The following PHPT1 variants were observed in gnomAD, a reference collection of about 807,000 sequenced individuals.
PHPT1 encodes 14 kDa phosphohistidine phosphatase.
In PHPT1, 16 loss-of-function variants were observed where a neutral mutation model predicts 15.6. That is an observed-to-expected ratio of 1.03 (90% CI 0.70 to 1.56). The LOEUF is 1.56. Among genes scored for constraint, PHPT1 ranks in the 40% most tolerant of loss-of-function variants. The pLI is 0.00. For synonymous variants in PHPT1, 102 were observed against 68.1 expected (o/e 1.50, Z -2.45); for missense variants, 228 against 171.0 (o/e 1.33, Z -1.86).
Position 136,849,608 on chromosome 9 carries a change from G to T in PHPT1, c.160+18G>T. 1 of 1,527,578 alleles carries T rather than the reference G, an allele frequency of 6.5e-7. No homozygotes were observed. The highest frequency in any genetic ancestry group is 8.8e-7 in the Non-Finnish European group (1 of 1,138,726). 94.6% of individuals were successfully genotyped at this position (1,527,578 alleles called of 1,614,324 possible). ...GTACCATGGTGAGGGCGGGACCTGC[G>T]GGCATGCCAGGGGCACGCCTGGCGA... On this transcript the variant is annotated intron_variant, in intron 1 of 2. Coordinates refer to ENST00000247665, the MANE Select transcript of PHPT1 (RefSeq NM_014172.6).
At chr9:136,850,681 G>A in intron 2 of PHPT1, 74 bp from the exon 3 acceptor site, 1 of 1,492,520 alleles carries the variant, frequency 6.7e-7, no homozygotes, top group Admixed American at 1.7e-5. Flanking sequence ...GGTGTGGCTG[G>A]TGGCTGGATG....
chr9:136,850,442 G>A (rs565434969), intron 2 of PHPT1: 59 of 1,446,266 alleles, frequency 4.1e-5, no homozygotes, highest in African/African-American at 3.9e-4. Context: ...GGCCCCCAGA[G>A]GCAGTCAGTA....
chr9:136,849,619 G>C (rs1848852233), intron 1 of PHPT1, 29 bp downstream of exon 1: 1 of 1,507,706 alleles, frequency 6.6e-7, no homozygotes, highest in African/African-American at 1.4e-5. Flanking sequence ...GGCATGCCAG[G>C]GGCACGCCTG....
At chr9:136,850,355 A>G (rs872463) in intron 2 of PHPT1, 622,267 of 829,858 alleles carry the variant, frequency 0.75, 235,158 homozygotes, top group East Asian at 0.88. Flanking sequence ...ACACCCCCAG[A>G]CATGGCCGGC....
chr9:136,849,733 G>A (rs1453696770), intron 1 of PHPT1, 143 bp downstream of exon 1: 2 of 843,738 alleles, frequency 2.4e-6, no homozygotes, highest in East Asian at 6.2e-5. Flanking sequence ...ACTGCGCTCT[G>A]CTCCGAGTCC....
chr9:136,850,966 G>C lies in PHPT1; in HGVS notation c.*119G>C. 1.2e-6 allele frequency: 1 copy of C among 810,382 alleles called. No homozygotes were observed. Among genetic ancestry groups the C allele is most frequent in the African/African-American group, 1.7e-5 (1 of 59,848 alleles). The allele number at this position is 810,382 out of a possible 1,614,324, so 50.2% of individuals were successfully genotyped here. On this transcript the variant is annotated 3_prime_UTR_variant, in exon 3 of 3. Transcript: ENST00000247665. ...CTGCGGCAGCCTCTGGTGACGTGCTGTCCACCAGGCCTTGGAGACAGGCTA... is the reference window on the plus strand; with the variant it reads ...CTGCGGCAGCCTCTGGTGACGTGCTCTCCACCAGGCCTTGGAGACAGGCTA...
At chr9:136,849,618 G>C in intron 1 of PHPT1, 28 bp downstream of exon 1, 2 of 1,510,920 alleles carry the variant, frequency 1.3e-6, no homozygotes, top group Non-Finnish European at 1.8e-6. Context: ...GGGCATGCCA[G>C]GGGCACGCCT....
intron 1 of PHPT1, 91 bp from the exon 2 acceptor site, chr9:136,849,922 A>C (rs1848863263): frequency 1.5e-6 from 2 of 1,335,094 alleles, no homozygotes; most frequent in African/African-American, 1.4e-5. Context: ...GGCTGTTCAG[A>C]GCTGGGATTT....
intron 2 of PHPT1, 89 bp downstream of exon 2, chr9:136,850,226 G>A (rs750294704): frequency 3.2e-6 from 5 of 1,557,844 alleles, no homozygotes; most frequent in Admixed American, 3.5e-5. Flanking sequence ...CGTGGCCCCA[G>A]CTGAGCACGC....
rs202021757 is a variant in PHPT1, at chr9:136,849,444, A to G, written c.14A>G (p.Asp5Gly). MAVA[D>G]LALIPDVDID... Reference sequence around the variant, plus strand: ...GGGAGGAGGAACATGGCGGTGGCGGACCTCGCTCTCATTCCTGATGTGGAC... The same window carrying G: ...GGGAGGAGGAACATGGCGGTGGCGGGCCTCGCTCTCATTCCTGATGTGGAC... The change falls in exon 1 of 3, where the codon GAC (aspartate) becomes GGC (glycine). Residue 5 changes from aspartate (D) to glycine (G), a missense_variant. Asp to Gly is a moderately conservative substitution (Grantham distance 94). Transcript: ENST00000247665. The G allele has an allele frequency of 6.2e-7, 1 of 1,604,498 alleles. No individual in the cohort carries two copies. The highest frequency in any genetic ancestry group is 8.5e-7 in the Non-Finnish European group (1 of 1,175,362).
intron 2 of PHPT1, 97 bp downstream of exon 2, chr9:136,850,234 C>G: frequency 6.6e-7 from 1 of 1,521,490 alleles, no homozygotes; most frequent in Non-Finnish European, 9.0e-7. Flanking sequence ...CAGCTGAGCA[C>G]GCAGGCTTCC....
chr9:136,850,555 A>G, intron 2 of PHPT1, 200 bp from the exon 3 acceptor site: 8 of 1,611,678 alleles, frequency 5.0e-6, no homozygotes, highest in Non-Finnish European at 6.8e-6. Context: ...AGGATCCACC[A>G]TCAAGGTTTG....
chr9:136,850,210 C>G (rs760129581), intron 2 of PHPT1, 73 bp downstream of exon 2: 2 of 1,595,476 alleles, frequency 1.3e-6, no homozygotes, highest in Non-Finnish European at 1.7e-6. Flanking sequence ...GCCTGCTGCC[C>G]TGACCCGTGG....
chr9:136,849,830 C>A (rs142721573), intron 1 of PHPT1, 183 bp from the exon 2 acceptor site: 17 of 744,344 alleles, frequency 2.3e-5, no homozygotes, highest in Non-Finnish European at 3.7e-5. Flanking sequence ...TCTCCCAGTT[C>A]CCGCGCCCTC....
chr9:136,849,419 G>A lies in PHPT1; in HGVS notation c.-12G>A, dbSNP rs1848842528. The A allele has an allele frequency of 1.3e-6, 2 of 1,588,520 alleles. No homozygotes were observed. Among genetic ancestry groups the A allele is most frequent in the African/African-American group, 1.4e-5 (1 of 73,668 alleles). On this transcript the variant is annotated 5_prime_UTR_variant, in exon 1 of 3. Transcript: ENST00000247665. ...GGGTCGGGTGGGAGGAGGGGACTCC[G>A]GGAGGAGGAACATGGCGGTGGCGGA...
intron 2 of PHPT1, 64 bp downstream of exon 2, chr9:136,850,201 C>T: frequency 6.2e-7 from 1 of 1,603,850 alleles, no homozygotes; most frequent in Non-Finnish European, 8.5e-7. Flanking sequence ...CCCACCTGAG[C>T]CTGCTGCCCT....
At position 136,850,096 on chromosome 9, in the gene PHPT1, C is replaced by T. The variant is rs1588387059; in HGVS notation, c.244C>T (p.Gln82Ter). ...TCTGGGCGGCGGGCGCATCTCCCAC[C>T]AGAGTCAGGACAAGAAGATTCACGT... Reference protein sequence around the residue: ...ECLGGGRISHQSQDKKIHVYG... With the variant: ...ECLGGGRISH The change falls in exon 2 of 3, where the codon CAG (glutamine) becomes TAG (stop). Residue 82 changes from glutamine (Q) to a stop codon, truncating the protein, a stop_gained. Coordinates refer to ENST00000247665, the MANE Select transcript of PHPT1 (RefSeq NM_014172.6). LOFTEE classifies it high-confidence loss of function. The T allele has an allele frequency of 3.7e-6, 6 of 1,613,234 alleles. No individual in the cohort carries two copies. Among genetic ancestry groups the T allele is most frequent in the Non-Finnish European group, 3.4e-6 (4 of 1,179,924 alleles).
intron 1 of PHPT1, 136 bp downstream of exon 1, chr9:136,849,726 GCGCTCTGCTCCGAGTC>G: frequency 1.2e-6 from 1 of 837,668 alleles, no homozygotes; most frequent in East Asian, 3.2e-5. Context: ...GTAGCGGACT[GCGCTCTGCTCCGAGTC>G]CTGCCCCTGC....
chr9:136,850,283 A>G, intron 2 of PHPT1, 146 bp downstream of exon 2: 1 of 1,057,786 alleles, frequency 9.5e-7, no homozygotes. Flanking sequence ...CCCTCCCTCC[A>G]GGGCCCATTG....
Sources: gnomAD v4.1 joint callset for allele counts on GRCh38, gnomAD v4.1.1 for gene constraint, MANE v1.5 for transcripts, NCBI Gene and HGNC (gene_info 2026-07-23, HGNC 2026-07-21) for gene names.